The following PAK5 variants were observed in gnomAD, a reference collection of about 807,000 sequenced individuals.
PAK5 encodes the protein p21 (RAC1) activated kinase 5, also known as serine/threonine-protein kinase PAK 5.
PAK5 carries 16 observed loss-of-function variants against 65.9 expected under a neutral mutation model. That is an observed-to-expected ratio of 0.24 (90% CI 0.16 to 0.37). The LOEUF (loss-of-function observed/expected upper bound fraction) is 0.37, where lower values mean the gene tolerates loss of function less well. PAK5 is among the 10% of genes least tolerant of loss of function. PAK5 has a pLI of 1.00. For missense variants in PAK5, 785 were observed against 903.9 expected, an observed-to-expected ratio of 0.87 and a Z score of 1.69; for synonymous variants, 371 against 354.9, an observed-to-expected ratio of 1.05 and a Z score of -0.51.
At chr20:9,612,908 A>G (rs1351349248) in intron 3 of PAK5, among the ~76,000 whole-genome samples, 1 of 151,904 alleles carries the variant, frequency 6.6e-6, no homozygotes, top group Non-Finnish European at 1.5e-5. Flanking sequence ...CCCCCCCATT[A>G]GACTATACAA....
At chr20:9,715,725 G>A (rs1291958825) in intron 1 of PAK5, among the ~76,000 whole-genome samples, 2 of 152,036 alleles carry the variant, frequency 1.3e-5, no homozygotes, top group Non-Finnish European at 2.9e-5. Context: ...CATAAAAAAG[G>A]ATGAGTTCAT....
chr20:9,718,650 A>G (rs904828276), intron 1 of PAK5, among the ~76,000 whole-genome samples: 1 of 152,192 alleles, frequency 6.6e-6, no homozygotes, highest in Non-Finnish European at 1.5e-5. Context: ...AAGAGGAGAA[A>G]AATAATAAAC....
chr20:9,590,802 C>A (rs1323108602), intron 3 of PAK5, among the ~76,000 whole-genome samples: 1 of 151,550 alleles, frequency 6.6e-6, no homozygotes, highest in East Asian at 1.9e-4. Context: ...AGTCAATTGA[C>A]TAGAATAAGC....
intron 1 of PAK5, among the ~76,000 whole-genome samples, chr20:9,770,358 C>A (rs550216111): frequency 7.9e-5 from 12 of 152,142 alleles, no homozygotes; most frequent in Admixed American, 2.0e-4. Flanking sequence ...AGAAAATCAG[C>A]TGAAGGTGAA....
chr20:9,799,488 C>T (rs552766391), intron 1 of PAK5, among the ~76,000 whole-genome samples: 5 of 152,114 alleles, frequency 3.3e-5, no homozygotes, highest in African/African-American at 1.2e-4. Context: ...GATTATAGCT[C>T]CATTAATAAG....
At chr20:9,611,359 A>T (rs578230788) in intron 3 of PAK5, among the ~76,000 whole-genome samples, 2 of 152,332 alleles carry the variant, frequency 1.3e-5, no homozygotes, top group Non-Finnish European at 2.9e-5. Flanking sequence ...CCAAACTGCC[A>T]TTCCAGGAAG....
chr20:9,797,697 T>G (rs551932636), intron 1 of PAK5, among the ~76,000 whole-genome samples: 71 of 147,020 alleles, frequency 4.8e-4, no homozygotes, highest in African/African-American at 1.4e-3. Context: ...AAAGAAAAAA[T>G]AAAATAAAAT....
chr20:9,727,782 T>G (rs1206413518), intron 1 of PAK5, among the ~76,000 whole-genome samples: 1 of 152,192 alleles, frequency 6.6e-6, no homozygotes, highest in African/African-American at 2.4e-5. Flanking sequence ...CCCCAATTTT[T>G]CCAGTTCTGG....
intron 4 of PAK5, among the ~76,000 whole-genome samples, chr20:9,578,283 A>G (rs1206186912): frequency 1.3e-5 from 2 of 152,174 alleles, no homozygotes; most frequent in Non-Finnish European, 2.9e-5. Flanking sequence ...CCAAAAGCCC[A>G]TGCTATGTGA....
intron 4 of PAK5, among the ~76,000 whole-genome samples, chr20:9,572,046 G>A (rs2045796322): frequency 6.7e-6 from 1 of 149,704 alleles, no homozygotes; most frequent in South Asian, 2.1e-4. Context: ...AGGAGAGGGG[G>A]TGAAAGACAA....
intron 1 of PAK5, among the ~76,000 whole-genome samples, chr20:9,715,885 G>A (rs1039901856): frequency 2.7e-5 from 4 of 147,714 alleles, no homozygotes; most frequent in Admixed American, 6.8e-5. Context: ...ATCATACACC[G>A]GGGCCTGTTG....
At chr20:9,542,279 T>C (rs2045277217) in intron 9 of PAK5, among the ~76,000 whole-genome samples, 1 of 152,322 alleles carries the variant, frequency 6.6e-6, no homozygotes, top group South Asian at 2.1e-4. Flanking sequence ...GTCCCCAGCA[T>C]GTAATAGATG....
chr20:9,742,971 G>C (rs368669057), intron 1 of PAK5, among the ~76,000 whole-genome samples: 15 of 152,300 alleles, frequency 9.8e-5, no homozygotes, highest in East Asian at 7.7e-4. Flanking sequence ...GTTATTCCTG[G>C]TCTGCCTTGA....
chr20:9,787,506 T>C (rs1297996054), intron 1 of PAK5, among the ~76,000 whole-genome samples: 2 of 152,044 alleles, frequency 1.3e-5, no homozygotes, highest in African/African-American at 4.8e-5. Context: ...ATTTTTAGAG[T>C]AGGAGAGCTA....
intron 3 of PAK5, among the ~76,000 whole-genome samples, chr20:9,590,173 G>T (rs1418475959): frequency 6.6e-6 from 1 of 152,022 alleles, no homozygotes; most frequent in East Asian, 1.9e-4. Context: ...GTCTCATTAT[G>T]TTGCCCAGGG....
At chr20:9,572,225 A>T (rs1029531444) in intron 4 of PAK5, among the ~76,000 whole-genome samples, 2 of 152,202 alleles carry the variant, frequency 1.3e-5, no homozygotes, top group Admixed American at 1.3e-4. Flanking sequence ...GCATTGTTAC[A>T]ACATCACTCA....
At chr20:9,616,633 C>T (rs549912828) in intron 3 of PAK5, among the ~76,000 whole-genome samples, 1 of 152,206 alleles carries the variant, frequency 6.6e-6, no homozygotes. Context: ...CTGCTGCTAG[C>T]CTGTGGCTTG....
At chr20:9,606,663 G>A (rs2046460050) in intron 3 of PAK5, among the ~76,000 whole-genome samples, 1 of 152,208 alleles carries the variant, frequency 6.6e-6, no homozygotes, top group Non-Finnish European at 1.5e-5. Flanking sequence ...GTTGGCAACG[G>A]TGACCCATGG....
intron 1 of PAK5, among the ~76,000 whole-genome samples, chr20:9,808,177 A>G (rs920332421): frequency 2.0e-5 from 3 of 152,180 alleles, no homozygotes; most frequent in African/African-American, 4.8e-5. Context: ...TAAGCAAAGT[A>G]AGGTGCAGGT....
Sources: gnomAD v4.1 joint callset for allele counts (sites outside exome capture counted in the v4.1 genomes callset) on GRCh38, gnomAD v4.1.1 for gene constraint, MANE v1.5 for transcripts, NCBI Gene and HGNC (gene_info 2026-07-23, HGNC 2026-07-21) for gene names.